WDR76: variants seen among roughly 807,000 people sequenced by gnomAD.
The protein encoded by WDR76 is WD repeat-containing protein 76.
WDR76 carries 52 observed loss-of-function variants against 70.2 expected under a neutral mutation model. The observed-to-expected ratio is 0.74, with a 90% CI of 0.59 to 0.93. The LOEUF is 0.93. WDR76 is among the 40% of genes least tolerant of loss of function. The pLI, the probability that WDR76 is intolerant of heterozygous loss-of-function variation, is 0.00. For missense variants in WDR76, 756 were observed against 760.2 expected (o/e 0.99, Z 0.07); for synonymous variants, 292 against 271.1 (o/e 1.08, Z -0.76).
At chr15:43,864,150 A>C (rs2088040631) in intron 12 of WDR76, 1 of 152,236 alleles carries the variant, frequency 6.6e-6, no homozygotes, top group East Asian at 1.9e-4. Context: ...CGTTATGTGT[A>C]TATACTACGT....
intron 8 of WDR76, among the ~76,000 whole-genome samples, chr15:43,844,926 T>TAAAAAAAAA (rs1163275078): frequency 6.4e-5 from 1 of 15,528 alleles, no homozygotes; most frequent in African/African-American, 2.6e-4. Flanking sequence ...AGACTCTGTG[T>TAAAAAAAAA]AAAAAAAAAA....
intron 6 of WDR76, 45 bp from the exon 7 acceptor site, chr15:43,842,583 T>A (rs751312419): frequency 1.3e-5 from 20 of 1,593,980 alleles, no homozygotes; most frequent in Admixed American, 8.6e-5. Context: ...TATGTAAAAA[T>A]ATATACATAC....
chr15:43,854,509 C>G (rs1464110906), intron 9 of WDR76, among the ~76,000 whole-genome samples: 1 of 151,980 alleles, frequency 6.6e-6, no homozygotes, highest in Non-Finnish European at 1.5e-5. Flanking sequence ...GGGTGAGGCT[C>G]CAGTAAGCCG....
At position 43,844,063 on chromosome 15, in the gene WDR76, T is replaced by C. The variant is rs1469453669; in HGVS notation, c.1032+9T>C. 3.7e-6 allele frequency: 6 copies of C among 1,611,820 alleles called. No individual in the cohort carries two copies. The highest frequency in any genetic ancestry group is 4.2e-6 in the Non-Finnish European group (5 of 1,179,214). ...TTGGACTTTGTGATTTGGTAAGTTA[T>C]TAAATTTCTTGAATATATTATAGTT... On this transcript the variant is annotated intron_variant, in intron 8 of 12. Transcript: ENST00000263795.
At chr15:43,855,715 G>A (rs1001376730) in intron 9 of WDR76, among the ~76,000 whole-genome samples, 1 of 152,066 alleles carries the variant, frequency 6.6e-6, no homozygotes, top group African/African-American at 2.4e-5. Flanking sequence ...CGGGCATGGT[G>A]GCACGCACCA....
chr15:43,849,545 A>AT (rs539261795), intron 8 of WDR76, among the ~76,000 whole-genome samples: 4,197 of 148,794 alleles, frequency 0.028, 84 homozygotes, highest in Non-Finnish European at 0.04. Flanking sequence ...ATTTGGAATG[A>AT]TTTTTTTTTT....
chr15:43,850,674 A>C (rs898052165), intron 8 of WDR76, among the ~76,000 whole-genome samples: 1 of 152,214 alleles, frequency 6.6e-6, no homozygotes, highest in Non-Finnish European at 1.5e-5. Context: ...TACGAAAATT[A>C]CACTGAGAAT....
chr15:43,864,522 A>G (rs968393352), intron 12 of WDR76, among the ~76,000 whole-genome samples: 2 of 151,848 alleles, frequency 1.3e-5, no homozygotes, highest in African/African-American at 2.4e-5. Context: ...ACGTATTTTC[A>G]TATAATTGGC....
In WDR76 at chr15:43,839,637, G is replaced by A. The variant is rs1179885246; in HGVS notation, c.641G>A (p.Cys214Tyr). 6.2e-7 allele frequency: 1 copy of A among 1,612,464 alleles called. No individual in the cohort carries two copies. Among genetic ancestry groups the A allele is most frequent in the Non-Finnish European group, 8.5e-7 (1 of 1,179,016 alleles). ...KKPKRENGIG[C>Y]RRSMRLLKVD... ...CCTAAGAGAGAAAATGGGATTGGAT[G>A]TAGAAGGTCAATGCGATTACTAAAA... is the stretch of plus-strand genomic sequence containing the variant. Residue 214 changes from cysteine (C) to tyrosine (Y), a missense_variant, in exon 5 of 13, where the codon TGT becomes TAT. By Grantham distance (194) the Cys-to-Tyr change is radical. Coordinates refer to ENST00000263795, the MANE Select transcript of WDR76 (RefSeq NM_024908.4).
chr15:43,850,245 C>A (rs1055926321), intron 8 of WDR76, among the ~76,000 whole-genome samples: 4 of 151,628 alleles, frequency 2.6e-5, no homozygotes, highest in Non-Finnish European at 5.9e-5. Context: ...AATTCAAATA[C>A]ATGCATTTTT....
Position 43,832,743 on chromosome 15 carries a change from G to GTTTTTTT in WDR76, c.463-2297_463-2291dup, listed in dbSNP as rs201304087. 6.4e-3 allele frequency among the ~76,000 whole-genome samples: 434 copies of GTTTTTTT among 68,110 alleles called. 94 individuals are homozygous for GTTTTTTT. The highest frequency in any genetic ancestry group is 0.014 in the East Asian group (26 of 1,912). The allele number at this position is 68,110 out of a possible 152,430, so 44.7% of individuals were successfully genotyped here. On this transcript the variant is annotated intron_variant, in intron 2 of 12. Coordinates refer to ENST00000263795, the MANE Select transcript of WDR76 (RefSeq NM_024908.4). ...TGAGCCATTGCACCCGGCTTGCTTT[G>GTTTTTTT]TTTTTTTTTTTTTTTTTTTTTTTTT...
At chr15:43,839,866 T>G (rs1458142917) in intron 5 of WDR76, 138 bp downstream of exon 5, 1 of 1,170,500 alleles carries the variant, frequency 8.5e-7, no homozygotes, top group African/African-American at 1.6e-5. Flanking sequence ...TGGTTTTGTT[T>G]TGTTTTTTTG....
At chr15:43,851,014 A>G (rs1438867687) in intron 8 of WDR76, 73 bp from the exon 9 acceptor site, 3 of 1,562,494 alleles carry the variant, frequency 1.9e-6, no homozygotes, top group Non-Finnish European at 1.7e-6. Flanking sequence ...CTTTAATGAC[A>G]TAATAGCATA....
At chr15:43,829,076 G>GT (rs142376660) in intron 2 of WDR76, among the ~76,000 whole-genome samples, 2,496 of 151,336 alleles carry the variant, frequency 0.016, 32 homozygotes, top group Non-Finnish European at 0.025. Context: ...TTAATTTTGT[G>GT]TTTTTAGTAG....
At chr15:43,847,740 A>G (rs2087806952) in intron 8 of WDR76, among the ~76,000 whole-genome samples, 2 of 152,014 alleles carry the variant, frequency 1.3e-5, no homozygotes, top group South Asian at 4.2e-4. Context: ...TATTTTTTGT[A>G]GAGATGAGGC....
At chr15:43,837,081 A>G (rs1448608518) in intron 4 of WDR76, among the ~76,000 whole-genome samples, 4 of 152,026 alleles carry the variant, frequency 2.6e-5, no homozygotes, top group Non-Finnish European at 5.9e-5. Context: ...TATTTGCTGA[A>G]AGTCAAAACA....
intron 12 of WDR76, among the ~76,000 whole-genome samples, chr15:43,865,381 T>G (rs1035006262): frequency 3.3e-5 from 5 of 152,236 alleles, no homozygotes; most frequent in African/African-American, 4.8e-5. Context: ...CAAGTGATTC[T>G]CCGGCCTCAG....
At chr15:43,861,582 A>G (rs2087998345) in intron 12 of WDR76, among the ~76,000 whole-genome samples, 196 bp downstream of exon 12, 1 of 152,212 alleles carries the variant, frequency 6.6e-6, no homozygotes, top group Non-Finnish European at 1.5e-5. Flanking sequence ...GTAGAGGTTC[A>G]GTCTCTTGTA....
intron 2 of WDR76, 27 bp downstream of exon 2, chr15:43,828,393 T>C: frequency 3.9e-6 from 6 of 1,549,542 alleles, no homozygotes; most frequent in South Asian, 1.2e-5. Flanking sequence ...TAGCTTGTTC[T>C]GGTTTCTCTT....
Sources: gnomAD v4.1 joint callset for allele counts (sites outside exome capture counted in the v4.1 genomes callset) on GRCh38, gnomAD v4.1.1 for gene constraint, MANE v1.5 for transcripts, NCBI Gene and HGNC (gene_info 2026-07-23, HGNC 2026-07-21) for gene names.